The following NELL1 variants were observed in gnomAD, a reference collection of about 807,000 sequenced individuals.
NELL1 encodes neural EGFL like 1, also known as protein kinase C-binding protein NELL1.
NELL1 carries 76 observed loss-of-function variants against 107.4 expected under a neutral mutation model. The ratio of observed to expected loss-of-function variants is 0.71; its 90% CI spans 0.59 to 0.86. NELL1 has a LOEUF of 0.86. NELL1 is among the 40% of genes least tolerant of loss of function. The pLI, the probability that NELL1 is intolerant of heterozygous loss-of-function variation, is 0.00. For synonymous variants in NELL1, 353 were observed against 341.2 expected, an observed-to-expected ratio of 1.03 and a Z score of -0.38; for missense variants, 1,024 against 1,005.5, an observed-to-expected ratio of 1.02 and a Z score of -0.25.
chr11:21,367,154 C>G (rs1590873244), intron 14 of NELL1, among the ~76,000 whole-genome samples: 1 of 151,912 alleles, frequency 6.6e-6, no homozygotes, highest in African/African-American at 2.4e-5. Context: ...AGAGTTCTTT[C>G]AATATTAGAA....
chr11:21,431,080 A>G (rs911369190), intron 15 of NELL1, among the ~76,000 whole-genome samples: 1 of 152,066 alleles, frequency 6.6e-6, no homozygotes, highest in Non-Finnish European at 1.5e-5. Context: ...TAATCATATC[A>G]TAATTTATGA....
In NELL1 at chr11:21,417,687, T is replaced by C. The variant is rs72964019; in HGVS notation, c.1645+46739T>C. On this transcript the variant is annotated intron_variant, in intron 15 of 19. Transcript: ENST00000357134. ...ATTAGTGATCTTCAGCAGTAGATGA[T>C]TGTCAAAAGCAACTTCCTTCTCATC... 3.7e-3 allele frequency among the ~76,000 whole-genome samples: 565 copies of C among 152,144 alleles called. 2 individuals are homozygous for C. Among genetic ancestry groups the C allele is most frequent in the Non-Finnish European group, 5.9e-3 (404 of 67,964 alleles).
intron 12 of NELL1, among the ~76,000 whole-genome samples, chr11:20,983,445 A>G (rs964264769): frequency 6.6e-6 from 1 of 152,078 alleles, no homozygotes; most frequent in Non-Finnish European, 1.5e-5. Context: ...TCTAAACTTC[A>G]TGTTTTAAAG....
At chr11:20,854,262 A>G (rs1281720507) in intron 4 of NELL1, among the ~76,000 whole-genome samples, 2 of 152,190 alleles carry the variant, frequency 1.3e-5, no homozygotes, top group African/African-American at 4.8e-5. Flanking sequence ...CAAGTCCTTT[A>G]CTGTCTCTGG....
intron 12 of NELL1, among the ~76,000 whole-genome samples, chr11:21,084,285 T>C (rs1396572774): frequency 1.3e-5 from 2 of 152,156 alleles, no homozygotes; most frequent in Non-Finnish European, 2.9e-5. Context: ...TCATCTCCAT[T>C]TTCTAGTTTT....
intron 14 of NELL1, among the ~76,000 whole-genome samples, chr11:21,315,337 A>C (rs1391628667): frequency 1.3e-5 from 2 of 152,206 alleles, no homozygotes; most frequent in Non-Finnish European, 2.9e-5. Context: ...GCTCCTAGCT[A>C]CATGATCTTG....
At chr11:20,820,922 T>C (rs887463981) in intron 3 of NELL1, among the ~76,000 whole-genome samples, 6 of 152,186 alleles carry the variant, frequency 3.9e-5, no homozygotes, top group Non-Finnish European at 8.8e-5. Context: ...TTTTGTTTCT[T>C]TCTCTTTTCT....
At chr11:21,375,802 G>A (rs1198856755) in intron 15 of NELL1, among the ~76,000 whole-genome samples, 1 of 152,084 alleles carries the variant, frequency 6.6e-6, no homozygotes, top group Non-Finnish European at 1.5e-5. Flanking sequence ...CCAATGATTA[G>A]TAATGTTGAG....
intron 13 of NELL1, among the ~76,000 whole-genome samples, chr11:21,150,093 G>A (rs542524537): frequency 6.6e-6 from 1 of 152,236 alleles, no homozygotes; most frequent in South Asian, 2.1e-4. Context: ...CAAAAGTCCT[G>A]TGGCAGTGGG....
At chr11:20,753,033 G>A (rs1285598486) in intron 2 of NELL1, among the ~76,000 whole-genome samples, 1 of 152,142 alleles carries the variant, frequency 6.6e-6, no homozygotes, top group Non-Finnish European at 1.5e-5. Flanking sequence ...TCTTAATACA[G>A]TACAGTATAA....
At chr11:20,749,381 T>C (rs1357818701) in intron 2 of NELL1, among the ~76,000 whole-genome samples, 1 of 152,108 alleles carries the variant, frequency 6.6e-6, no homozygotes, top group Non-Finnish European at 1.5e-5. Flanking sequence ...CGGTGGATGC[T>C]TGAGCCCAGG....
intron 12 of NELL1, among the ~76,000 whole-genome samples, chr11:21,084,356 C>G (rs1854339410): frequency 6.6e-6 from 1 of 152,146 alleles, no homozygotes; most frequent in South Asian, 2.1e-4. Context: ...ATTTCTTTAT[C>G]TAATAATAGA....
chr11:21,395,885 AT>A (rs1851969182), intron 15 of NELL1, among the ~76,000 whole-genome samples: 1 of 151,576 alleles, frequency 6.6e-6, no homozygotes, highest in African/African-American at 2.4e-5. Context: ...GTGAGAATTT[AT>A]TGATTAGAAA....
intron 13 of NELL1, among the ~76,000 whole-genome samples, chr11:21,157,560 A>C (rs1856271393): frequency 6.6e-6 from 1 of 152,182 alleles, no homozygotes; most frequent in African/African-American, 2.4e-5. Context: ...GAGAAAGCAA[A>C]TTGTCTCTGC....
intron 3 of NELL1, among the ~76,000 whole-genome samples, chr11:20,831,587 G>A (rs1409456561): frequency 6.6e-6 from 1 of 152,132 alleles, no homozygotes; most frequent in East Asian, 1.9e-4. Flanking sequence ...TGGAAGGTGG[G>A]GGGGACCCTG....
intron 15 of NELL1, among the ~76,000 whole-genome samples, chr11:21,392,689 A>G (rs985681119): frequency 1.4e-4 from 22 of 151,794 alleles, no homozygotes; most frequent in Non-Finnish European, 2.2e-4. Flanking sequence ...CAATAATAAT[A>G]TAACTGACCA....
At chr11:21,290,410 A>AATAAATAG (rs1554995067) in intron 14 of NELL1, among the ~76,000 whole-genome samples, 2 of 150,576 alleles carry the variant, frequency 1.3e-5, no homozygotes, top group Non-Finnish European at 3.0e-5. Flanking sequence ...TAAATAAATA[A>AATAAATAG]ATAAATAAAT....
At chr11:20,905,628 T>C (rs1661596610) in intron 5 of NELL1, among the ~76,000 whole-genome samples, 1 of 152,052 alleles carries the variant, frequency 6.6e-6, no homozygotes, top group Non-Finnish European at 1.5e-5. Context: ...AGCTGAGAAG[T>C]ACAACTGGAA....
At chr11:21,260,343 T>G (rs905807326) in intron 14 of NELL1, 1 of 151,932 alleles carries the variant, frequency 6.6e-6, no homozygotes, top group Admixed American at 6.6e-5. Flanking sequence ...AAGATTACTG[T>G]CCATGAGACT....
Sources: allele counts gnomAD v4.1 joint callset (sites outside exome capture counted in the v4.1 genomes callset), GRCh38; gene constraint gnomAD v4.1.1; transcripts MANE v1.5; gene names NCBI Gene and HGNC (gene_info 2026-07-23, HGNC 2026-07-21).